Variants in TDRP observed in about 807,000 individuals in gnomAD.
TDRP encodes testis development-related protein.
A neutral mutation model predicts 10.5 loss-of-function variants in TDRP; 12 were observed. That is an observed-to-expected ratio of 1.15 (90% CI 0.73 to 1.86). The LOEUF is 1.86. Among genes scored for constraint, TDRP ranks in the 40% most tolerant of loss-of-function variants. The probability of loss-of-function intolerance (pLI) is 0.00; values close to 1 mark genes in which losing one functional copy is unlikely to be tolerated. For synonymous variants in TDRP, 139 were observed against 95.4 expected (o/e 1.46, Z -2.67); for missense variants, 353 against 229.2 (o/e 1.54, Z -3.49).
At chr8:519,528 A>C (rs1259249020) in intron 1 of TDRP, among the ~76,000 whole-genome samples, 1 of 151,754 alleles carries the variant, frequency 6.6e-6, no homozygotes, top group East Asian at 1.9e-4. Context: ...AGATCTCTAA[A>C]ACTTTTTCAT....
In TDRP at chr8:490,691, G is replaced by A. The variant is rs1008631135; in HGVS notation, c.*1708C>T. The A allele has an allele frequency of 6.6e-6, 1 of 152,200 alleles. No individual in the cohort carries two copies. The highest frequency in any genetic ancestry group is 6.5e-5 in the Admixed American group (1 of 15,282). The allele number at this position is 152,200 out of a possible 1,614,324, so 9.4% of individuals were successfully genotyped here. ...AAAGGACAGTTATGACTATTTACCT[G>A]AGGAAACTTAGAATTTGTCAACTTA... On this transcript the variant is annotated 3_prime_UTR_variant, in exon 3 of 3. Coordinates refer to ENST00000324079, the MANE Select transcript of TDRP (RefSeq NM_001384899.1).
chr8:523,606 C>T (rs1313499628), intron 1 of TDRP, among the ~76,000 whole-genome samples: 5 of 152,182 alleles, frequency 3.3e-5, no homozygotes, highest in Admixed American at 1.3e-4. Context: ...GCAGCATTCA[C>T]GAGCTGACTA....
chr8:521,932 C>A (rs1017275734), intron 1 of TDRP, among the ~76,000 whole-genome samples: 15 of 152,052 alleles, frequency 9.9e-5, no homozygotes, highest in African/African-American at 3.4e-4. Context: ...TCTTTCACCT[C>A]CTTCATTATT....
chr8:499,463 C>G (rs981729295), intron 1 of TDRP, among the ~76,000 whole-genome samples: 1 of 152,194 alleles, frequency 6.6e-6, no homozygotes. Context: ...CACATCCCAT[C>G]AGATGACCCT....
At chr8:526,251 G>C (rs778817479) in intron 1 of TDRP, among the ~76,000 whole-genome samples, 2 of 152,126 alleles carry the variant, frequency 1.3e-5, no homozygotes, top group African/African-American at 4.8e-5. Flanking sequence ...GCCCATCTCA[G>C]CCTATCAAAG....
chr8:527,057 G>C (rs576263085), intron 1 of TDRP, among the ~76,000 whole-genome samples: 4 of 152,092 alleles, frequency 2.6e-5, no homozygotes, highest in East Asian at 1.9e-4. Flanking sequence ...GAGTTAGAGA[G>C]ACTCCACCAA....
intron 1 of TDRP, among the ~76,000 whole-genome samples, chr8:529,952 T>C (rs1209490008): frequency 1.3e-5 from 2 of 152,188 alleles, no homozygotes; most frequent in African/African-American, 4.8e-5. Context: ...TGCACCACTC[T>C]TTATTCAAAT....
At chr8:535,957 G>A (rs1802339301) in intron 1 of TDRP, among the ~76,000 whole-genome samples, 1 of 152,150 alleles carries the variant, frequency 6.6e-6, no homozygotes, top group Non-Finnish European at 1.5e-5. Context: ...CTCACAAAGT[G>A]AAACCCACAG....
chr8:502,709 C>CACACAT (rs1801337716), intron 1 of TDRP, among the ~76,000 whole-genome samples: 1 of 151,954 alleles, frequency 6.6e-6, no homozygotes, highest in African/African-American at 2.4e-5. Context: ...CCCACCTCAG[C>CACACAT]ACACATCAAC....
intron 1 of TDRP, among the ~76,000 whole-genome samples, chr8:498,104 AC>A (rs1466995254): frequency 6.6e-6 from 1 of 152,048 alleles, no homozygotes; most frequent in East Asian, 1.9e-4. Flanking sequence ...TGGGGTTGCA[AC>A]CCCCACACCA....
At chr8:524,222 G>C (rs893905388) in intron 1 of TDRP, among the ~76,000 whole-genome samples, 2 of 152,220 alleles carry the variant, frequency 1.3e-5, no homozygotes, top group African/African-American at 2.4e-5. Flanking sequence ...GTCTGCAAGA[G>C]TCACAGCATT....
In TDRP at chr8:492,556, G is replaced by A. The variant is rs1305452789; in HGVS notation, c.401C>T (p.Ser134Leu). 6.2e-7 allele frequency: 1 copy of A among 1,612,834 alleles called. No individual in the cohort carries two copies. Among genetic ancestry groups the A allele is most frequent in the African/African-American group, 1.3e-5 (1 of 75,052 alleles). ...EDTVGGHPSW[S>L]GWEDDAKGST... ...GCCCTTGGCGTCATCCTCCCAGCCT[G>A]ACCAGGATGGGTGGCCACCCACGGT... The change falls in exon 3 of 3, where the codon TCA becomes TTA. Residue 134 changes from serine to leucine, a missense_variant. Transcript: ENST00000324079.
rs976517419 is a variant in TDRP at position 490,838 on chromosome 8, T to C, written c.*1561A>G. 6.6e-6 allele frequency: 1 copy of C among 152,124 alleles called. No homozygotes were observed. Among genetic ancestry groups the C allele is most frequent in the Non-Finnish European group, 1.5e-5 (1 of 68,020 alleles). 9.4% of individuals were successfully genotyped at this position (152,124 alleles called of 1,614,324 possible). ...TTTTGTTTGAACACCAATTGAAACA[T>C]GTCCCCCTTTCAAGACTTGATAAGT... is the stretch of plus-strand genomic sequence containing the variant. On this transcript the variant is annotated 3_prime_UTR_variant, in exon 3 of 3. Transcript: ENST00000324079.
chr8:521,168 C>G (rs147624372), intron 1 of TDRP, among the ~76,000 whole-genome samples: 5 of 147,532 alleles, frequency 3.4e-5, no homozygotes, highest in South Asian at 4.3e-4. Context: ...TTTGGGAGGC[C>G]GAGGCAGGCG....
intron 1 of TDRP, among the ~76,000 whole-genome samples, chr8:514,592 A>C (rs1345196): frequency 0.36 from 54,971 of 151,920 alleles, 10,284 homozygotes; most frequent in Admixed American, 0.43. Flanking sequence ...CTGTGTATGG[A>C]AACACGAGGA....
At chr8:526,311 A>C (rs1019468026) in intron 1 of TDRP, among the ~76,000 whole-genome samples, 11 of 152,174 alleles carry the variant, frequency 7.2e-5, no homozygotes, top group African/African-American at 1.7e-4. Flanking sequence ...AGTTCTTTAA[A>C]ATGCACCACT....
intron 1 of TDRP, among the ~76,000 whole-genome samples, chr8:524,593 G>C (rs893778332): frequency 6.6e-6 from 1 of 152,172 alleles, no homozygotes; most frequent in Non-Finnish European, 1.5e-5. Flanking sequence ...ATTGAAATAA[G>C]TGTTCTTACA....
At chr8:531,908 TG>T (rs1447203170) in intron 1 of TDRP, among the ~76,000 whole-genome samples, 4 of 152,204 alleles carry the variant, frequency 2.6e-5, no homozygotes, top group Non-Finnish European at 5.9e-5. Context: ...GGAACAGGAA[TG>T]GGGGGATTTC....
At chr8:494,252 T>C (rs1801067900) in intron 2 of TDRP, among the ~76,000 whole-genome samples, 1 of 152,044 alleles carries the variant, frequency 6.6e-6, no homozygotes, top group Non-Finnish European at 1.5e-5. Flanking sequence ...TGAGCCACCA[T>C]GCCCAGCCCA....
Sources: allele counts gnomAD v4.1 joint callset (sites outside exome capture counted in the v4.1 genomes callset), GRCh38; gene constraint gnomAD v4.1.1; transcripts MANE v1.5; gene names NCBI Gene and HGNC (gene_info 2026-07-23, HGNC 2026-07-21).